The following SINHCAF variants were observed in gnomAD, a reference collection of about 807,000 sequenced individuals.
SINHCAF encodes SIN3-HDAC complex-associated factor.
SINHCAF carries 3 observed loss-of-function variants against 25.8 expected under a neutral mutation model. The ratio of observed to expected loss-of-function variants is 0.12; its 90% CI spans 0.05 to 0.30. SINHCAF has a LOEUF of 0.30. Ranked by LOEUF, SINHCAF falls within the 10% of genes least tolerant of loss-of-function variation. The pLI is 1.00. For missense variants in SINHCAF, 121 were observed against 262.3 expected (o/e 0.46, Z 3.72); for synonymous variants, 70 against 85.5 (o/e 0.82, Z 1.00).
At chr12:31,307,583 G>C (rs548633957) in intron 1 of SINHCAF, among the ~76,000 whole-genome samples, 38 of 152,022 alleles carry the variant, frequency 2.5e-4, no homozygotes, top group African/African-American at 8.7e-4. Flanking sequence ...AGAGTGGCAA[G>C]GTTAGGATTA....
intron 3 of SINHCAF, among the ~76,000 whole-genome samples, chr12:31,294,491 A>C (rs1182534095): frequency 6.6e-6 from 1 of 152,094 alleles, no homozygotes; most frequent in Admixed American, 6.6e-5. Context: ...TTTACACCTT[A>C]ATCTCTGAGG....
At position 31,324,010 on chromosome 12, in the gene SINHCAF, G is replaced by A. The variant is rs983903376; in HGVS notation, c.-21+2014C>T. The A allele has an allele frequency of 3.2e-5, 14 of 442,158 alleles. No homozygotes were observed. Among genetic ancestry groups the A allele is most frequent in the Non-Finnish European group, 5.3e-5 (12 of 226,348 alleles). 27.4% of individuals were successfully genotyped at this position (442,158 alleles called of 1,614,324 possible). The stretch of plus-strand genomic sequence containing the variant: ...GCCGAGAGAGACGCCGAGCCAGCAA[G>A]TAAGAATGCTCCCTGGTGGATTTGT... On this transcript the variant is annotated intron_variant, in intron 1 of 5. Coordinates refer to ENST00000337682, the MANE Select transcript of SINHCAF (RefSeq NM_001135812.2). This position sits in a 1 kb window ranked among gnomAD's most constrained non-coding sequence, Gnocchi z 5.5.
chr12:31,304,119 C>CAAAAAAAA lies in SINHCAF; in HGVS notation c.-20-5903_-20-5896dup, dbSNP rs761861557. On this transcript the variant is annotated intron_variant, in intron 1 of 5. Transcript: ENST00000337682. ...TAGGCGAAAGAGCAAGACTCTCCCT[C>CAAAAAAAA]AAAAAAAAAAAAAAAAAAGCGCCCT... is the stretch of plus-strand genomic sequence containing the variant. The CAAAAAAAA allele has an allele frequency of 4.6e-3, 576 of 125,890 alleles. 7 individuals carry two copies. Among genetic ancestry groups the CAAAAAAAA allele is most frequent in the African/African-American group, 0.017 (545 of 32,032 alleles). 7.8% of individuals were successfully genotyped at this position (125,890 alleles called of 1,614,324 possible). A position where few individuals can be genotyped will look rare whatever the true frequency, so the allele number is the denominator to read the frequency against.
intron 4 of SINHCAF, among the ~76,000 whole-genome samples, chr12:31,291,351 T>C (rs180686137): frequency 6.6e-6 from 1 of 152,364 alleles, no homozygotes; most frequent in Non-Finnish European, 1.5e-5. Flanking sequence ...TAGAAAATTA[T>C]GGTTAAACGT....
intron 1 of SINHCAF, chr12:31,302,997 T>C (rs1938869703): frequency 3.0e-6 from 3 of 985,276 alleles, no homozygotes; most frequent in Non-Finnish European, 3.6e-6. Context: ...TCTGACACTA[T>C]CATCAATCAT....
chr12:31,308,215 C>T (rs1355747260), intron 1 of SINHCAF, among the ~76,000 whole-genome samples: 1 of 152,154 alleles, frequency 6.6e-6, no homozygotes, highest in African/African-American at 2.4e-5. Context: ...GCTGGGATTA[C>T]AGGCGTGAAC....
chr12:31,321,978 T>A (rs1939709838), intron 1 of SINHCAF, among the ~76,000 whole-genome samples: 1 of 151,396 alleles, frequency 6.6e-6, no homozygotes, highest in Admixed American at 6.6e-5. Context: ...CAGGACTTGA[T>A]AACCACTCTG....
intron 1 of SINHCAF, among the ~76,000 whole-genome samples, chr12:31,317,429 C>T (rs546588424): frequency 2.3e-4 from 35 of 151,968 alleles, no homozygotes; most frequent in South Asian, 1.0e-3. Context: ...CACCACAGCA[C>T]GCTGTTTCAA....
At chr12:31,303,269 A>G (rs1938881026) in intron 1 of SINHCAF, 1 of 960,202 alleles carries the variant, frequency 1.0e-6, no homozygotes, top group Non-Finnish European at 1.2e-6. Context: ...CTCTTTAGAG[A>G]ACACAAATGA....
intron 5 of SINHCAF, among the ~76,000 whole-genome samples, chr12:31,283,855 TACACACACACACAC>T (rs57162055): frequency 2.3e-4 from 33 of 140,478 alleles, no homozygotes; most frequent in South Asian, 7.1e-4. Flanking sequence ...AGTTATCCAT[TACACACACACACAC>T]ACACACACAC....
chr12:31,307,197 G>GTA (rs1939062539), intron 1 of SINHCAF, among the ~76,000 whole-genome samples: 1 of 152,178 alleles, frequency 6.6e-6, no homozygotes, highest in Non-Finnish European at 1.5e-5. Flanking sequence ...GTGGGGCACT[G>GTA]TATATCCCTG....
At chr12:31,296,045 T>A (rs989239435) in intron 2 of SINHCAF, among the ~76,000 whole-genome samples, 1 of 151,850 alleles carries the variant, frequency 6.6e-6, no homozygotes, top group South Asian at 2.1e-4. Context: ...TAATTTAATT[T>A]AAAAAAATGC....
In SINHCAF at chr12:31,324,061, G is replaced by A. The variant is rs1442981474; in HGVS notation, c.-21+1963C>T. ...TGGTAAATAAGACATCTCGCGTCGG[G>A]AGGAAAGTTCCTGCGGGGGCCGCTC... is the stretch of plus-strand genomic sequence containing the variant. On this transcript the variant is annotated intron_variant, in intron 1 of 5. Coordinates refer to ENST00000337682, the MANE Select transcript of SINHCAF (RefSeq NM_001135812.2). This position sits in a 1 kb window ranked among gnomAD's most constrained non-coding sequence, Gnocchi z 5.5. 10 of 454,158 alleles carry A rather than the reference G, an allele frequency of 2.2e-5. No homozygotes were observed. The highest frequency in any genetic ancestry group is 4.4e-5 in the Non-Finnish European group (10 of 226,772). 28.1% of individuals were successfully genotyped at this position (454,158 alleles called of 1,614,324 possible).
intron 1 of SINHCAF, among the ~76,000 whole-genome samples, chr12:31,298,784 A>G (rs147432880): frequency 3.3e-5 from 5 of 152,352 alleles, no homozygotes; most frequent in African/African-American, 4.8e-5. Flanking sequence ...TAAGCAGTCA[A>G]GTTTGCCCCT....
Position 31,325,117 on chromosome 12 carries a change from T to C in SINHCAF, c.-21+907A>G, listed in dbSNP as rs1313204444. Reference sequence around the variant, plus strand: ...CCGCGGCGTACACAACGCCGCCGCCTCCATCTCCAGCCAAGTTGGCTTCCC... The same window carrying C: ...CCGCGGCGTACACAACGCCGCCGCCCCCATCTCCAGCCAAGTTGGCTTCCC... On this transcript the variant is annotated intron_variant, in intron 1 of 5. Coordinates refer to ENST00000337682, the MANE Select transcript of SINHCAF (RefSeq NM_001135812.2). The surrounding 1 kb of genome is among the most constrained non-coding windows in gnomAD (Gnocchi z 5.9). The C allele has an allele frequency of 2.2e-6, 1 of 456,598 alleles. No homozygotes were observed. Among genetic ancestry groups the C allele is most frequent in the Non-Finnish European group, 4.4e-6 (1 of 226,966 alleles). 28.3% of individuals were successfully genotyped at this position (456,598 alleles called of 1,614,324 possible).
rs940714386 is a variant in SINHCAF, at chr12:31,325,311, G to A, written c.-21+713C>T. The A allele has an allele frequency of 2.2e-6, 1 of 446,474 alleles. No homozygotes were observed. 27.7% of individuals were successfully genotyped at this position (446,474 alleles called of 1,614,324 possible). A position where few individuals can be genotyped will look rare whatever the true frequency, so the allele number is the denominator to read the frequency against. On this transcript the variant is annotated intron_variant, in intron 1 of 5. Coordinates refer to ENST00000337682, the MANE Select transcript of SINHCAF (RefSeq NM_001135812.2). The surrounding 1 kb of genome is among the most constrained non-coding windows in gnomAD (Gnocchi z 5.9). ...CGAAGAGGGCAGGCGAGTGGAAGACGGGCTGTTTTTAAGCGACCGCGTGTT... is the reference window on the plus strand; with the variant it reads ...CGAAGAGGGCAGGCGAGTGGAAGACAGGCTGTTTTTAAGCGACCGCGTGTT...
At chr12:31,303,414 A>G (rs538099033) in intron 1 of SINHCAF, 1 of 156,286 alleles carries the variant, frequency 6.4e-6, no homozygotes, top group East Asian at 1.9e-4. Context: ...ATGTAGTAGA[A>G]TCTGCTGCTA....
chr12:31,318,141 CTT>C (rs1326598816), intron 1 of SINHCAF, among the ~76,000 whole-genome samples: 1 of 152,212 alleles, frequency 6.6e-6, no homozygotes, highest in East Asian at 1.9e-4. Flanking sequence ...TGGAGCAACA[CTT>C]TTCACAAACG....
chr12:31,302,649 G>A (rs944584043), intron 1 of SINHCAF, among the ~76,000 whole-genome samples: 1 of 151,274 alleles, frequency 6.6e-6, no homozygotes, highest in African/African-American at 2.4e-5. Flanking sequence ...TTTTAAACAG[G>A]GGGATACCTG....
Sources: gnomAD v4.1 joint callset for allele counts (sites outside exome capture counted in the v4.1 genomes callset) on GRCh38, gnomAD v4.1.1 for gene constraint, Gnocchi (gnomAD v3.1) non-coding constraint, MANE v1.5 for transcripts, NCBI Gene and HGNC (gene_info 2026-07-23, HGNC 2026-07-21) for gene names.